Variants in GPATCH1 observed in about 807,000 individuals in gnomAD.
GPATCH1 encodes the protein G patch domain-containing protein 1.
Under a neutral mutation model 114.9 loss-of-function variants are expected in GPATCH1, and 73 were observed. That is an observed-to-expected ratio of 0.64 (90% CI 0.53 to 0.77). The LOEUF (loss-of-function observed/expected upper bound fraction) is 0.77. Among genes scored for constraint, GPATCH1 ranks in the 30% least tolerant of loss-of-function variants. GPATCH1 has a pLI of 0.00. For synonymous variants in GPATCH1, 391 were observed against 428.4 expected, an observed-to-expected ratio of 0.91 and a Z score of 1.08; for missense variants, 1,058 against 1,144.3, an observed-to-expected ratio of 0.92 and a Z score of 1.09.
chr19:33,111,788 G>A lies in GPATCH1; in HGVS notation c.1650G>A (p.Glu550=), dbSNP rs765405726. 1.2e-5 allele frequency: 20 copies of A among 1,614,134 alleles called. No homozygotes were observed. The highest frequency in any genetic ancestry group is 4.4e-5 in the South Asian group (4 of 91,088). ...GGGAGCGAGGCCGTGAGCGGGATGA[G>A]TTTGCCCGGGCGGCCCTGCTGTACG... ...TEWERGRERD[E]FARAALLYAS... Residue 550 remains glutamate, a synonymous_variant, in exon 12 of 20, where the codon GAG becomes GAA. Transcript: ENST00000170564.
rs373770459 is a variant in GPATCH1, at chr19:33,091,687, C to T, written c.294+822C>T. On this transcript the variant is annotated intron_variant, in intron 3 of 19. Transcript: ENST00000170564. The stretch of plus-strand genomic sequence containing the variant: ...TGATGGGTTGATCTGTGCAGCAAAC[C>T]TCCATGACACACATTTACCTGTGTA... 2.0e-4 allele frequency among the ~76,000 whole-genome samples: 30 copies of T among 152,242 alleles called. 3 individuals are homozygous for T. The highest frequency in any genetic ancestry group is 7.0e-4 in the African/African-American group (29 of 41,536).
intron 11 of GPATCH1, among the ~76,000 whole-genome samples, chr19:33,111,450 C>T (rs1480394047): frequency 6.6e-6 from 1 of 151,554 alleles, no homozygotes; most frequent in Non-Finnish European, 1.5e-5. Context: ...GTCCCGAACT[C>T]CTGACCTCAA....
intron 2 of GPATCH1, among the ~76,000 whole-genome samples, chr19:33,090,320 C>T (rs971150407): frequency 6.6e-6 from 1 of 152,178 alleles, no homozygotes; most frequent in Admixed American, 6.6e-5. Context: ...GTTACTCTCT[C>T]TTTATCCACT....
intron 17 of GPATCH1, among the ~76,000 whole-genome samples, chr19:33,124,241 A>G (rs528320125): frequency 6.6e-6 from 1 of 152,332 alleles, no homozygotes; most frequent in African/African-American, 2.4e-5. Context: ...TTACCCAGAA[A>G]TTAATGACCT....
chr19:33,102,094 G>A (rs536705436), intron 9 of GPATCH1, among the ~76,000 whole-genome samples: 56 of 151,616 alleles, frequency 3.7e-4, no homozygotes, highest in Non-Finnish European at 7.7e-4. Flanking sequence ...AGCACTTTGG[G>A]AGGCCAAGGT....
chr19:33,102,793 G>A (rs1336217966), intron 9 of GPATCH1, among the ~76,000 whole-genome samples: 1 of 152,234 alleles, frequency 6.6e-6, no homozygotes, highest in Non-Finnish European at 1.5e-5. Flanking sequence ...TAGGGGAAAT[G>A]TAGGTTAAGG....
At chr19:33,108,559 C>A (rs1196119804) in intron 10 of GPATCH1, among the ~76,000 whole-genome samples, 1 of 151,776 alleles carries the variant, frequency 6.6e-6, no homozygotes, top group Non-Finnish European at 1.5e-5. Context: ...TTCTTCCAGC[C>A]TTCCCCGACC....
At position 33,097,993 on chromosome 19, in the gene GPATCH1, C is replaced by T. The variant is rs1972683026; in HGVS notation, c.1000+91C>T. 2.5e-6 allele frequency: 3 copies of T among 1,194,580 alleles called. No individual in the cohort carries two copies. The African/African-American group carries it at 4.6e-5, about 18-fold the overall frequency. 74.0% of individuals were successfully genotyped at this position (1,194,580 alleles called of 1,614,324 possible). A position where few individuals can be genotyped will look rare whatever the true frequency, so the allele number is the denominator to read the frequency against. ...AAGAGCGATACAGGAGCACCAGCCT[C>T]TGTTGTTGGTCAAAGTCACGGTAAG... On this transcript the variant is annotated intron_variant, in intron 8 of 19. Coordinates refer to ENST00000170564, the MANE Select transcript of GPATCH1 (RefSeq NM_018025.3).
intron 17 of GPATCH1, among the ~76,000 whole-genome samples, chr19:33,124,053 C>T (rs1160707915): frequency 6.6e-6 from 1 of 151,888 alleles, no homozygotes; most frequent in Non-Finnish European, 1.5e-5. Context: ...AGGGTTTCAC[C>T]GTGTTGGCCA....
chr19:33,087,420 C>T (rs1972544346), intron 1 of GPATCH1, among the ~76,000 whole-genome samples: 1 of 152,028 alleles, frequency 6.6e-6, no homozygotes, highest in South Asian at 2.1e-4. Flanking sequence ...ATGTCTCAAC[C>T]CAGCCCTTTC....
chr19:33,125,116 A>T lies in GPATCH1; in HGVS notation c.2533A>T (p.Thr845Ser). 2 of 1,599,544 alleles carry T rather than the reference A, an allele frequency of 1.3e-6. No individual in the cohort carries two copies. The highest frequency in any genetic ancestry group is 1.1e-5 in the South Asian group (1 of 88,720). The change falls in exon 18 of 20, where the codon ACA becomes TCA. Residue 845 changes from threonine to serine, a missense_variant. Transcript: ENST00000170564. Reference sequence around the variant, plus strand: ...CCTTTGTGTTTCAGATGCTCGTCAGACACTTGAGGTTCCTCAAAAAGAGAA... The same window carrying T: ...CCTTTGTGTTTCAGATGCTCGTCAGTCACTTGAGGTTCCTCAAAAAGAGAA... ...PPVFCPNARQ[T>S]LEVPQKEKHK...
chr19:33,117,361 C>A (rs1447530920), intron 15 of GPATCH1, among the ~76,000 whole-genome samples: 7 of 152,168 alleles, frequency 4.6e-5, no homozygotes, highest in African/African-American at 1.4e-4. Context: ...GTTAAGTTGC[C>A]TGAATCTGAG....
chr19:33,106,283 T>C (rs957239223), intron 9 of GPATCH1, among the ~76,000 whole-genome samples: 3 of 152,034 alleles, frequency 2.0e-5, no homozygotes, highest in African/African-American at 7.2e-5. Flanking sequence ...GGATTATAGG[T>C]GTGAGCCACT....
chr19:33,095,856 A>G, intron 6 of GPATCH1, 36 bp downstream of exon 6: 2 of 1,410,790 alleles, frequency 1.4e-6, no homozygotes, highest in Non-Finnish European at 2.0e-6. Context: ...ACTTTGGTAC[A>G]ACAGCACCTG....
Position 33,094,279 on chromosome 19 carries a change from T to G in GPATCH1, c.553+10T>G. The G allele has an allele frequency of 7.1e-7, 1 of 1,402,046 alleles. No homozygotes were observed. The highest frequency in any genetic ancestry group is 1.0e-6 in the Non-Finnish European group (1 of 987,432). The allele number at this position is 1,402,046 out of a possible 1,614,324, so 86.9% of individuals were successfully genotyped here. A position where few individuals can be genotyped will look rare whatever the true frequency, so the allele number is the denominator to read the frequency against. On this transcript the variant is annotated intron_variant, in intron 5 of 19. Transcript: ENST00000170564. ...CGCCGACAGAAACCTGGTGTGTATG[T>G]TAATTGATTAACTGTTATCACTGCT...
chr19:33,102,956 GCTCTGCGTGC>G (rs1321111906), intron 9 of GPATCH1, among the ~76,000 whole-genome samples: 2 of 152,174 alleles, frequency 1.3e-5, no homozygotes, highest in East Asian at 3.9e-4. Flanking sequence ...TTGGAGGAGA[GCTCTGCGTGC>G]CTTTGCAGAT....
rs575728263 is a variant in GPATCH1, at chr19:33,085,431, A to C, written c.74-2703A>C. On this transcript the variant is annotated intron_variant, in intron 1 of 19. Coordinates refer to ENST00000170564, the MANE Select transcript of GPATCH1 (RefSeq NM_018025.3). The stretch of plus-strand genomic sequence containing the variant: ...ATGTTGCCCAGGTTTGTCTCAAACC[A>C]CTGCTTCTAATGACTCGAACCACTC... Among the ~76,000 whole-genome samples, 4 of 152,174 alleles carry C rather than the reference A, an allele frequency of 2.6e-5. No homozygotes were observed. In the South Asian group the frequency reaches 6.2e-4, roughly 24 times the overall value.
Position 33,099,931 on chromosome 19 carries a change from C to T in GPATCH1, c.1001-1564C>T, listed in dbSNP as rs915749044. On this transcript the variant is annotated intron_variant, in intron 8 of 19. Transcript: ENST00000170564. ...GATTACAGGCGCCTGCTACCACGCC[C>T]AGCTAATTTTTGTGTTTTTAGTAGA... Among the ~76,000 whole-genome samples, 3 of 151,766 alleles carry T rather than the reference C, an allele frequency of 2.0e-5. No individual in the cohort carries two copies. The South Asian group carries it at 6.2e-4, about 32-fold the overall frequency.
chr19:33,113,660 C>A, intron 13 of GPATCH1, 107 bp from the exon 14 acceptor site: 1 of 894,746 alleles, frequency 1.1e-6, no homozygotes, highest in Non-Finnish European at 1.8e-6. Context: ...TCTTAGGAGA[C>A]TTTTTAGTCA....
Sources: gnomAD v4.1 joint callset for allele counts (sites outside exome capture counted in the v4.1 genomes callset) on GRCh38, gnomAD v4.1.1 for gene constraint, MANE v1.5 for transcripts, NCBI Gene and HGNC (gene_info 2026-07-23, HGNC 2026-07-21) for gene names.